The following GNA14 variants were observed in gnomAD, a reference collection of about 807,000 sequenced individuals.
GNA14 encodes G protein subunit alpha 14, also known as guanine nucleotide-binding protein subunit alpha-14.
In GNA14, 50 loss-of-function variants were observed where a neutral mutation model predicts 42.0. That is an observed-to-expected ratio of 1.19 (90% CI 0.95 to 1.51). GNA14 has a LOEUF of 1.51. GNA14 is among the 40% of genes most tolerant of loss of function. The pLI is 0.00. For synonymous variants in GNA14, 173 were observed against 163.1 expected (o/e 1.06, Z -0.46); for missense variants, 473 against 446.2 (o/e 1.06, Z -0.54).
intron 1 of GNA14, among the ~76,000 whole-genome samples, chr9:77,556,338 T>C (rs1338757043): frequency 6.6e-6 from 1 of 151,964 alleles, no homozygotes; most frequent in African/African-American, 2.4e-5. Context: ...GGCAGATATA[T>C]GGAGGTAGAT....
chr9:77,481,729 G>T (rs1198716998), intron 2 of GNA14, among the ~76,000 whole-genome samples: 3 of 152,164 alleles, frequency 2.0e-5, no homozygotes, highest in African/African-American at 7.2e-5. Context: ...GAATCTGGGT[G>T]CTCCTGTATT....
chr9:77,606,747 C>T (rs1454585230), intron 1 of GNA14, among the ~76,000 whole-genome samples: 1 of 152,172 alleles, frequency 6.6e-6, no homozygotes, highest in Non-Finnish European at 1.5e-5. Context: ...CCTCCTTAAG[C>T]TCTCTGTTAT....
chr9:77,496,993 C>T (rs939546496), intron 2 of GNA14, among the ~76,000 whole-genome samples: 2 of 152,074 alleles, frequency 1.3e-5, no homozygotes, highest in African/African-American at 2.4e-5. Context: ...CCCTCCATCT[C>T]GTATTCCTCT....
rs1270404720 is a variant in GNA14 at position 77,544,276 on chromosome 9, C to T, written c.125-15023G>A. Among the ~76,000 whole-genome samples, 3 of 152,074 alleles carry T rather than the reference C, an allele frequency of 2.0e-5. 1 individual carries two copies. The highest frequency in any genetic ancestry group is 3.8e-4 in the East Asian group (2 of 5,196). ...AAAATTCTGTTTTGGAAAACCCTCT[C>T]GACATCAATTACTTTTCCCTAAAAA... On this transcript the variant is annotated intron_variant, in intron 1 of 6. Transcript: ENST00000341700.
chr9:77,425,254 G>C (rs1835435809), intron 6 of GNA14, among the ~76,000 whole-genome samples: 1 of 152,178 alleles, frequency 6.6e-6, no homozygotes, highest in Admixed American at 6.5e-5. Flanking sequence ...CTGCAGACCA[G>C]ATGGGCAGGG....
At chr9:77,425,409 G>C (rs961354945) in intron 6 of GNA14, among the ~76,000 whole-genome samples, 153 bp downstream of exon 6, 9 of 152,134 alleles carry the variant, frequency 5.9e-5, no homozygotes, top group African/African-American at 1.7e-4. Context: ...CAACAATGGT[G>C]CAACTAGAGC....
At chr9:77,615,203 T>C (rs561765572) in intron 1 of GNA14, among the ~76,000 whole-genome samples, 2 of 152,162 alleles carry the variant, frequency 1.3e-5, no homozygotes, top group Non-Finnish European at 2.9e-5. Context: ...AGCCACTTGA[T>C]TCCTTCAGTC....
chr9:77,564,563 T>C (rs1822936975), intron 1 of GNA14, among the ~76,000 whole-genome samples: 1 of 152,084 alleles, frequency 6.6e-6, no homozygotes, highest in African/African-American at 2.4e-5. Flanking sequence ...GCATGGTGGC[T>C]CATGCTTGGA....
intron 1 of GNA14, among the ~76,000 whole-genome samples, chr9:77,586,435 T>C (rs1340455261): frequency 6.6e-6 from 1 of 152,142 alleles, no homozygotes; most frequent in Non-Finnish European, 1.5e-5. Flanking sequence ...AAAATACAAT[T>C]CAGAGTGAGG....
At chr9:77,543,153 C>T (rs914718067) in intron 1 of GNA14, among the ~76,000 whole-genome samples, 1 of 152,214 alleles carries the variant, frequency 6.6e-6, no homozygotes, top group Non-Finnish European at 1.5e-5. Flanking sequence ...CCTTCTTGGC[C>T]TGGCAGCAGC....
intron 2 of GNA14, among the ~76,000 whole-genome samples, chr9:77,483,489 G>A (rs573151199): frequency 1.3e-5 from 2 of 152,136 alleles, no homozygotes; most frequent in Non-Finnish European, 1.5e-5. Flanking sequence ...GTAATAGGGG[G>A]TGCCTCCCAG....
At chr9:77,517,585 CTTTTCT>C (rs1564039531) in intron 2 of GNA14, 6 of 48,840 alleles carry the variant, frequency 1.2e-4, no homozygotes, top group African/African-American at 4.7e-4. Flanking sequence ...TATCCTGGTA[CTTTTCT>C]TTTTTTTTTT....
chr9:77,487,186 G>A (rs1351866419), intron 2 of GNA14, among the ~76,000 whole-genome samples: 3 of 152,104 alleles, frequency 2.0e-5, no homozygotes, highest in Non-Finnish European at 4.4e-5. Flanking sequence ...ATGATTCATG[G>A]CCCAGGTAGG....
Position 77,423,909 on chromosome 9 carries a change from G to C in GNA14, c.*70C>G. 1 of 1,135,790 alleles carries C rather than the reference G, an allele frequency of 8.8e-7. No homozygotes were observed. The highest frequency in any genetic ancestry group is 1.3e-6 in the Non-Finnish European group (1 of 792,972). 70.4% of individuals were successfully genotyped at this position (1,135,790 alleles called of 1,614,324 possible). A position where few individuals can be genotyped will look rare whatever the true frequency, so the allele number is the denominator to read the frequency against. ...GGGGCTGGCTCTGGTGATGTCAGAAGCACTTGCAAATAAAACAAGGAGTTT... is the reference window on the plus strand; with the variant it reads ...GGGGCTGGCTCTGGTGATGTCAGAACCACTTGCAAATAAAACAAGGAGTTT... On this transcript the variant is annotated 3_prime_UTR_variant, in exon 7 of 7. Coordinates refer to ENST00000341700, the MANE Select transcript of GNA14 (RefSeq NM_004297.4).
At chr9:77,601,522 T>A (rs967891073) in intron 1 of GNA14, among the ~76,000 whole-genome samples, 1 of 152,198 alleles carries the variant, frequency 6.6e-6, no homozygotes, top group Non-Finnish European at 1.5e-5. Context: ...TGCATATTTG[T>A]GTAACAATAG....
At chr9:77,438,497 A>C (rs540006161) in intron 2 of GNA14, among the ~76,000 whole-genome samples, 51 of 151,876 alleles carry the variant, frequency 3.4e-4, no homozygotes, top group African/African-American at 1.2e-3. Context: ...TGAACTCCTG[A>C]CTTCAAGTGA....
At chr9:77,446,098 G>A (rs967153258) in intron 2 of GNA14, among the ~76,000 whole-genome samples, 8 of 152,198 alleles carry the variant, frequency 5.3e-5, no homozygotes, top group East Asian at 1.9e-4. Context: ...GGCAGAAAAC[G>A]TGAGTGACCA....
chr9:77,461,348 TATTAAC>T (rs1836103109), intron 2 of GNA14, among the ~76,000 whole-genome samples: 1 of 152,220 alleles, frequency 6.6e-6, no homozygotes, highest in Non-Finnish European at 1.5e-5. Context: ...TCATTTGCAT[TATTAAC>T]ATTGAGAAGC....
chr9:77,566,158 T>C (rs1822965158), intron 1 of GNA14, among the ~76,000 whole-genome samples: 1 of 146,996 alleles, frequency 6.8e-6, no homozygotes, highest in African/African-American at 2.5e-5. Flanking sequence ...TTTTTTTTTT[T>C]TTTTTTTTTT....
Sources: gnomAD v4.1 joint callset for allele counts (sites outside exome capture counted in the v4.1 genomes callset) on GRCh38, gnomAD v4.1.1 for gene constraint, MANE v1.5 for transcripts, NCBI Gene and HGNC (gene_info 2026-07-23, HGNC 2026-07-21) for gene names.